Variants in PCCA observed in about 807,000 individuals in gnomAD.
The protein encoded by PCCA is propionyl-CoA carboxylase alpha chain, mitochondrial.
Under a neutral mutation model 101.3 loss-of-function variants are expected in PCCA, and 74 were observed. The ratio of observed to expected loss-of-function variants is 0.73; its 90% CI spans 0.61 to 0.89. The LOEUF is 0.89. Ranked by LOEUF, PCCA falls within the 40% of genes least tolerant of loss-of-function variation. PCCA has a pLI of 0.00. For synonymous variants in PCCA, 294 were observed against 313.6 expected, an observed-to-expected ratio of 0.94 and a Z score of 0.66; for missense variants, 891 against 907.0, an observed-to-expected ratio of 0.98 and a Z score of 0.23.
chr13:100,117,627 G>A (rs1280945283), intron 4 of PCCA, among the ~76,000 whole-genome samples: 2 of 151,198 alleles, frequency 1.3e-5, no homozygotes, highest in Admixed American at 6.6e-5. Flanking sequence ...CTGTTGTGGG[G>A]TTGGGGGATG....
chr13:100,274,831 A>G (rs1213596304), intron 12 of PCCA, among the ~76,000 whole-genome samples: 1 of 150,912 alleles, frequency 6.6e-6, no homozygotes, highest in Non-Finnish European at 1.5e-5. Flanking sequence ...TTGTGAGTGG[A>G]TGTGAATTTT....
chr13:100,422,104 T>TTC (rs1339876090), intron 19 of PCCA, among the ~76,000 whole-genome samples: 1 of 146,024 alleles, frequency 6.8e-6, no homozygotes, highest in African/African-American at 2.6e-5. Context: ...CTTTCTTTCT[T>TTC]TCTTTCTTTC....
intron 19 of PCCA, among the ~76,000 whole-genome samples, chr13:100,374,775 A>G (rs993185660): frequency 1.3e-5 from 2 of 152,164 alleles, no homozygotes; most frequent in African/African-American, 2.4e-5. Flanking sequence ...CTAGAAAGCA[A>G]TTGTATATGA....
intron 1 of PCCA, among the ~76,000 whole-genome samples, chr13:100,091,953 G>A (rs921764823): frequency 3.3e-5 from 5 of 151,626 alleles, no homozygotes; most frequent in African/African-American, 7.3e-5. Context: ...ATGGGGTCTC[G>A]CTCTGTTGCC....
At chr13:100,398,839 C>T (rs1192500716) in intron 19 of PCCA, among the ~76,000 whole-genome samples, 1 of 152,120 alleles carries the variant, frequency 6.6e-6, no homozygotes, top group Non-Finnish European at 1.5e-5. Context: ...TAAGCTCCAT[C>T]AACTACATGC....
At chr13:100,340,809 G>A (rs546069926) in intron 18 of PCCA, among the ~76,000 whole-genome samples, 109 of 152,274 alleles carry the variant, frequency 7.2e-4, no homozygotes, top group African/African-American at 2.6e-3. Flanking sequence ...AGAGAGGATT[G>A]TTTATTATGA....
intron 9 of PCCA, among the ~76,000 whole-genome samples, chr13:100,260,071 G>A: frequency 6.6e-6 from 1 of 152,038 alleles, no homozygotes; most frequent in East Asian, 1.9e-4. Flanking sequence ...TATAGTGGAG[G>A]CAAACTGTAA....
chr13:100,137,474 T>C (rs1211402712), intron 4 of PCCA, among the ~76,000 whole-genome samples: 1 of 152,194 alleles, frequency 6.6e-6, no homozygotes, highest in Non-Finnish European at 1.5e-5. Flanking sequence ...ATTGTCTGTT[T>C]CTCCTCTCAG....
chr13:100,339,385 T>C (rs1167292828), intron 17 of PCCA, among the ~76,000 whole-genome samples: 1 of 152,212 alleles, frequency 6.6e-6, no homozygotes, highest in Non-Finnish European at 1.5e-5. Context: ...AATACTCTAC[T>C]ATCTATATGT....
chr13:100,189,090 A>G (rs2057545697), intron 6 of PCCA, among the ~76,000 whole-genome samples: 2 of 151,414 alleles, frequency 1.3e-5, no homozygotes, highest in Non-Finnish European at 2.9e-5. Flanking sequence ...CCCTGTGTCC[A>G]TGTCTTCTCA....
chr13:100,293,264 A>T (rs1424809735), intron 12 of PCCA: 1 of 471,412 alleles, frequency 2.1e-6, no homozygotes, highest in South Asian at 1.5e-5. Context: ...GGTACAGTAC[A>T]ATTGTTGAAA....
intron 18 of PCCA, among the ~76,000 whole-genome samples, chr13:100,354,093 A>AATAATAAT (rs1467940688): frequency 6.9e-6 from 1 of 144,670 alleles, no homozygotes; most frequent in Non-Finnish European, 1.5e-5. Context: ...TAATAATAAT[A>AATAATAAT]ATAATAATAA....
At chr13:100,285,425 C>A (rs2064530900) in intron 12 of PCCA, among the ~76,000 whole-genome samples, 1 of 152,178 alleles carries the variant, frequency 6.6e-6, no homozygotes, top group African/African-American at 2.4e-5. Context: ...GACAACCCCA[C>A]CACCAGTGGC....
At chr13:100,273,961 C>T (rs187544182) in intron 12 of PCCA, among the ~76,000 whole-genome samples, 3 of 152,226 alleles carry the variant, frequency 2.0e-5, no homozygotes, top group Non-Finnish European at 2.9e-5. Flanking sequence ...GTGAACTATA[C>T]AGAAACATAC....
At chr13:100,246,906 T>G (rs1566788682) in intron 8 of PCCA, among the ~76,000 whole-genome samples, 1 of 151,662 alleles carries the variant, frequency 6.6e-6, no homozygotes, top group Non-Finnish European at 1.5e-5. Flanking sequence ...TAGTGAGTTT[T>G]TTTTTTTTTT....
chr13:100,197,275 A>G (rs1405998607), intron 6 of PCCA, among the ~76,000 whole-genome samples: 1 of 151,070 alleles, frequency 6.6e-6, no homozygotes, highest in African/African-American at 2.4e-5. Context: ...TGGTGTGAAC[A>G]TGGCTCACTG....
chr13:100,194,960 T>C (rs1303471171), intron 6 of PCCA, among the ~76,000 whole-genome samples: 4 of 152,170 alleles, frequency 2.6e-5, no homozygotes, highest in Admixed American at 2.0e-4. Flanking sequence ...TTCATAGTTA[T>C]TGTAAGTTAT....
chr13:100,338,089 C>G (rs1407490273), intron 17 of PCCA, among the ~76,000 whole-genome samples: 1 of 152,190 alleles, frequency 6.6e-6, no homozygotes, highest in Non-Finnish European at 1.5e-5. Flanking sequence ...CACCCTGGAG[C>G]TTGTTAGAAA....
At chr13:100,199,680 A>G (rs1431767311) in intron 6 of PCCA, among the ~76,000 whole-genome samples, 1 of 152,202 alleles carries the variant, frequency 6.6e-6, no homozygotes, top group East Asian at 1.9e-4. Context: ...GCCCATATCT[A>G]GTAATTTATT....
Sources: allele counts gnomAD v4.1 joint callset (sites outside exome capture counted in the v4.1 genomes callset), GRCh38; gene constraint gnomAD v4.1.1; transcripts MANE v1.5; gene names NCBI Gene and HGNC (gene_info 2026-07-23, HGNC 2026-07-21).